MAPK10: variants seen among roughly 807,000 people sequenced by gnomAD.
MAPK10 encodes JNK3 alpha protein kinase.
A neutral mutation model predicts 59.3 loss-of-function variants in MAPK10; 25 were observed. The ratio of observed to expected loss-of-function variants is 0.42; its 90% CI spans 0.31 to 0.59. The LOEUF is 0.59. MAPK10 is among the 20% of genes least tolerant of loss of function. The probability of loss-of-function intolerance (pLI) is 0.15; values close to 1 mark genes in which losing one functional copy is unlikely to be tolerated. For missense variants in MAPK10, 351 were observed against 568.9 expected, an observed-to-expected ratio of 0.62 and a Z score of 3.90; for synonymous variants, 190 against 200.5, an observed-to-expected ratio of 0.95 and a Z score of 0.44.
chr4:86,480,020 C>A (rs531128755), intron 1 of MAPK10, among the ~76,000 whole-genome samples: 8 of 152,206 alleles, frequency 5.3e-5, no homozygotes, highest in African/African-American at 1.9e-4. Flanking sequence ...AACACTTCAA[C>A]ACTATTATGT....
intron 2 of MAPK10, among the ~76,000 whole-genome samples, chr4:86,352,801 C>T (rs948061459): frequency 2.6e-5 from 4 of 152,192 alleles, no homozygotes; most frequent in African/African-American, 9.6e-5. Flanking sequence ...AAAAAATAAA[C>T]TGATTATGTC....
intron 2 of MAPK10, among the ~76,000 whole-genome samples, chr4:86,197,221 C>T (rs1291624580): frequency 6.6e-5 from 10 of 152,032 alleles, no homozygotes; most frequent in Non-Finnish European, 1.5e-4. Flanking sequence ...TGTTTGTGTC[C>T]TCTCTTATTT....
intron 9 of MAPK10, among the ~76,000 whole-genome samples, chr4:86,093,934 TGCCTAC>T (rs1326782988): frequency 6.6e-6 from 1 of 151,926 alleles, no homozygotes; most frequent in African/African-American, 2.4e-5. Flanking sequence ...TTTGAAAGAA[TGCCTAC>T]TAAATTGTTT....
chr4:86,417,131 A>C (rs1397562985), intron 1 of MAPK10, among the ~76,000 whole-genome samples: 1 of 152,100 alleles, frequency 6.6e-6, no homozygotes, highest in Admixed American at 6.5e-5. Flanking sequence ...TCTTTTTTCA[A>C]TTTTCTTTCT....
At chr4:86,344,962 C>G (rs1727255509) in intron 2 of MAPK10, among the ~76,000 whole-genome samples, 1 of 152,070 alleles carries the variant, frequency 6.6e-6, no homozygotes, top group African/African-American at 2.4e-5. Flanking sequence ...TGATGCAAAC[C>G]TGGAAAATTG....
chr4:86,461,304 C>T (rs1050280494), intron 1 of MAPK10, among the ~76,000 whole-genome samples: 3 of 152,064 alleles, frequency 2.0e-5, no homozygotes, highest in Admixed American at 6.5e-5. Context: ...TCCAGAAAGG[C>T]GGGACAACTT....
chr4:86,432,491 G>A (rs955376403), intron 1 of MAPK10, among the ~76,000 whole-genome samples: 51 of 152,124 alleles, frequency 3.4e-4, no homozygotes, highest in African/African-American at 1.1e-3. Flanking sequence ...CGTTGGCTAC[G>A]TTGGTCTCAA....
chr4:86,414,120 A>G (rs1229088583), intron 1 of MAPK10, among the ~76,000 whole-genome samples: 2 of 152,178 alleles, frequency 1.3e-5, no homozygotes, highest in Non-Finnish European at 2.9e-5. Flanking sequence ...CCCTAAAAAC[A>G]GTATTTATGA....
intron 4 of MAPK10, among the ~76,000 whole-genome samples, chr4:86,149,011 C>T (rs2065703811): frequency 6.6e-6 from 1 of 152,156 alleles, no homozygotes; most frequent in African/African-American, 2.4e-5. Context: ...TTGGCTTCAA[C>T]CTAGTCTAAT....
intron 9 of MAPK10, among the ~76,000 whole-genome samples, chr4:86,093,136 T>G (rs1355414659): frequency 2.0e-5 from 3 of 151,936 alleles, no homozygotes; most frequent in Non-Finnish European, 4.4e-5. Flanking sequence ...TCTAAATAAA[T>G]AAAGAACTAT....
At chr4:86,502,609 G>T (rs1755411845) in intron 1 of MAPK10, among the ~76,000 whole-genome samples, 1 of 151,900 alleles carries the variant, frequency 6.6e-6, no homozygotes, top group South Asian at 2.1e-4. Flanking sequence ...AAAAGTTTTT[G>T]AGGCATATTC....
chr4:86,515,887 T>G (rs893196899), intron 1 of MAPK10, among the ~76,000 whole-genome samples: 2 of 69,204 alleles, frequency 2.9e-5, no homozygotes, highest in African/African-American at 9.8e-5. Context: ...TTGTTGTTGT[T>G]TTTTTTTTGT....
exon 1 of MAPK10, chr4:86,453,035 G>GAAGATT (rs1343082517): frequency 6.6e-6 from 1 of 152,256 alleles, no homozygotes; most frequent in African/African-American, 2.4e-5. Flanking sequence ...CTTACCTGGA[G>GAAGATT]CTGAGTCAAT....
chr4:86,592,479 G>A (rs186602677), intron 1 of MAPK10, among the ~76,000 whole-genome samples: 8 of 152,290 alleles, frequency 5.3e-5, no homozygotes, highest in African/African-American at 1.9e-4. Context: ...GAATCCACAA[G>A]CTATTGCAGC....
intron 1 of MAPK10, among the ~76,000 whole-genome samples, chr4:86,477,113 T>C (rs1417620215): frequency 6.6e-6 from 1 of 151,960 alleles, no homozygotes; most frequent in Admixed American, 6.6e-5. Flanking sequence ...ACAGATGCTC[T>C]AGATAACTCT....
chr4:86,477,226 C>A (rs1000624608), intron 1 of MAPK10, among the ~76,000 whole-genome samples: 1 of 152,126 alleles, frequency 6.6e-6, no homozygotes, highest in Non-Finnish European at 1.5e-5. Context: ...CCATAACTGT[C>A]GTGGGTATTG....
chr4:86,509,121 T>C (rs895296639), intron 1 of MAPK10, among the ~76,000 whole-genome samples: 3 of 152,160 alleles, frequency 2.0e-5, no homozygotes, highest in Admixed American at 2.0e-4. Flanking sequence ...AAAAGCTGCT[T>C]AGATCTTTTT....
At chr4:86,243,576 C>G (rs1712184905) in intron 2 of MAPK10, among the ~76,000 whole-genome samples, 1 of 152,144 alleles carries the variant, frequency 6.6e-6, no homozygotes, top group African/African-American at 2.4e-5. Flanking sequence ...TAAAAGCATG[C>G]TCCCACTTCT....
chr4:86,427,692 T>C (rs1273307910), intron 1 of MAPK10, among the ~76,000 whole-genome samples: 1 of 152,244 alleles, frequency 6.6e-6, no homozygotes. Context: ...TTAAAAGAGT[T>C]GGACTAACTT....
Sources: allele counts gnomAD v4.1 joint callset (sites outside exome capture counted in the v4.1 genomes callset), GRCh38; gene constraint gnomAD v4.1.1; transcripts MANE v1.5; gene names NCBI Gene and HGNC (gene_info 2026-07-23, HGNC 2026-07-21).